Variants in PRKCH observed in about 807,000 individuals in gnomAD.
PRKCH encodes the protein protein kinase C eta.
Under a neutral mutation model 82.5 loss-of-function variants are expected in PRKCH, and 28 were observed. The observed-to-expected ratio is 0.34, with a 90% CI of 0.25 to 0.47. The LOEUF (loss-of-function observed/expected upper bound fraction) is 0.47, where lower values mean the gene tolerates loss of function less well. PRKCH is among the 20% of genes least tolerant of loss of function. PRKCH has a pLI of 1.00. For missense variants in PRKCH, 705 were observed against 881.8 expected, an observed-to-expected ratio of 0.80 and a Z score of 2.54; for synonymous variants, 322 against 327.4, an observed-to-expected ratio of 0.98 and a Z score of 0.18.
intron 1 of PRKCH, among the ~76,000 whole-genome samples, chr14:61,265,892 C>T (rs903233639): frequency 2.0e-5 from 3 of 151,974 alleles, no homozygotes; most frequent in African/African-American, 7.3e-5. Context: ...GTGAGGAGTT[C>T]GAGACCAGTC....
At chr14:61,327,853 CTTTCCATCTTTCTAAAAG>C (rs1295073204) in intron 1 of PRKCH, among the ~76,000 whole-genome samples, 1 of 152,208 alleles carries the variant, frequency 6.6e-6, no homozygotes, top group Non-Finnish European at 1.5e-5. Context: ...TTGGGAGCAT[CTTTCCATCTTTCTAAAAG>C]AAAGAAATGA....
chr14:61,218,916 C>T (rs888598388), intron 1 of PRKCH, among the ~76,000 whole-genome samples: 10 of 152,190 alleles, frequency 6.6e-5, no homozygotes, highest in South Asian at 2.1e-4. Flanking sequence ...ACCTATCCCC[C>T]GACTGCCCTC....
chr14:61,395,289 A>AGC (rs1186743418), intron 2 of PRKCH, among the ~76,000 whole-genome samples: 38 of 37,460 alleles, frequency 1.0e-3, no homozygotes, highest in East Asian at 5.2e-3. Flanking sequence ...AAGGAAATGG[A>AGC]GCCCCCCCCC....
intron 10 of PRKCH, among the ~76,000 whole-genome samples, chr14:61,493,480 T>C (rs1886541746): frequency 6.6e-6 from 1 of 152,216 alleles, no homozygotes; most frequent in African/African-American, 2.4e-5. Flanking sequence ...AACTTGATCA[T>C]ATGGCTGAGT....
rs928730604 is a variant in PRKCH at position 61,216,480 on chromosome 14, C to A, written c.-19+28812C>A. Among the ~76,000 whole-genome samples the A allele has an allele frequency of 8.0e-5, 12 of 150,682 alleles. No individual in the cohort carries two copies. The East Asian group carries it at 1.9e-3, about 24-fold the overall frequency. On this transcript the variant is annotated intron_variant, in intron 1 of 3. Transcript: ENST00000555185. Reference sequence around the variant, plus strand: ...GCAAGACTCTGTCTCAAAAAAAAAACAAAAATTAAAAAAAATTAAAAAACC... The same window carrying A: ...GCAAGACTCTGTCTCAAAAAAAAAAAAAAAATTAAAAAAAATTAAAAAACC...
intron 1 of PRKCH, among the ~76,000 whole-genome samples, chr14:61,200,959 T>C (rs2044476764): frequency 1.3e-5 from 2 of 152,098 alleles, no homozygotes; most frequent in Admixed American, 6.6e-5. Context: ...GTATATTTTT[T>C]CATTCAACAA....
At chr14:61,258,755 A>G (rs1368428277) in intron 1 of PRKCH, among the ~76,000 whole-genome samples, 2 of 152,198 alleles carry the variant, frequency 1.3e-5, no homozygotes, top group Non-Finnish European at 2.9e-5. Flanking sequence ...TTTGCAAAAT[A>G]TTTTGTGGGC....
At chr14:61,301,709 T>G (rs1270939826) in intron 1 of PRKCH, among the ~76,000 whole-genome samples, 12 of 152,164 alleles carry the variant, frequency 7.9e-5, no homozygotes, top group Non-Finnish European at 1.8e-4. Context: ...GGTGTGGTAG[T>G]GTGTGCCTGT....
Position 61,210,150 on chromosome 14 carries a change from AT to A in PRKCH, c.-19+22483del, listed in dbSNP as rs1566781712. ...TATATATATATATATATATATATAT[AT>A]ATATATATATAAATTAGCTTGGCAT... On this transcript the variant is annotated intron_variant, in intron 1 of 3. Coordinates refer to the PRKCH transcript ENST00000555185. Among the ~76,000 whole-genome samples, 719 of 84,622 alleles carry A rather than the reference AT, an allele frequency of 8.5e-3. 22 individuals are homozygous for A. Among genetic ancestry groups the A allele is most frequent in the African/African-American group, 0.03 (633 of 21,104 alleles). 55.5% of individuals were successfully genotyped at this position (84,622 alleles called of 152,430 possible). A position where few individuals can be genotyped will look rare whatever the true frequency, so the allele number is the denominator to read the frequency against.
chr14:61,477,821 A>G (rs1471488575), intron 9 of PRKCH, among the ~76,000 whole-genome samples: 5 of 152,212 alleles, frequency 3.3e-5, no homozygotes, highest in African/African-American at 1.2e-4. Flanking sequence ...CAGCTGGGCT[A>G]GGACTCCTTC....
At chr14:61,293,850 C>T (rs2045384168) in intron 1 of PRKCH, among the ~76,000 whole-genome samples, 2 of 152,108 alleles carry the variant, frequency 1.3e-5, no homozygotes, top group South Asian at 4.1e-4. Flanking sequence ...AAAACTCTGC[C>T]CCAGAATCTG....
At chr14:61,243,007 G>C (rs1363220198) in intron 1 of PRKCH, among the ~76,000 whole-genome samples, 3 of 152,152 alleles carry the variant, frequency 2.0e-5, no homozygotes, top group Non-Finnish European at 4.4e-5. Context: ...ATAATTAATT[G>C]CTTTCTCTAC....
At chr14:61,245,601 G>C (rs1328012469) in intron 1 of PRKCH, among the ~76,000 whole-genome samples, 1 of 152,120 alleles carries the variant, frequency 6.6e-6, no homozygotes, top group Non-Finnish European at 1.5e-5. Flanking sequence ...AAGGGTGAAA[G>C]AGCGCTGATG....
intron 1 of PRKCH, among the ~76,000 whole-genome samples, chr14:61,271,163 T>C (rs1277860529): frequency 2.6e-5 from 4 of 152,170 alleles, no homozygotes; most frequent in Non-Finnish European, 4.4e-5. Flanking sequence ...CCCACAGTAT[T>C]ACTAGTACTT....
At chr14:61,532,780 C>T (rs2043056916) in intron 12 of PRKCH, among the ~76,000 whole-genome samples, 1 of 152,194 alleles carries the variant, frequency 6.6e-6, no homozygotes, top group African/African-American at 2.4e-5. Context: ...AGGAAACAGC[C>T]TCTGGTGCCT....
chr14:61,413,239 G>A (rs1407309882), intron 2 of PRKCH, among the ~76,000 whole-genome samples: 1 of 151,784 alleles, frequency 6.6e-6, no homozygotes, highest in Non-Finnish European at 1.5e-5. Context: ...GCAATCTTTC[G>A]TGTGACCGTG....
intron 1 of PRKCH, among the ~76,000 whole-genome samples, chr14:61,191,978 A>G (rs970630258): frequency 1.3e-5 from 2 of 152,126 alleles, no homozygotes; most frequent in African/African-American, 2.4e-5. Context: ...GGAGATGGAT[A>G]TTCAAAGCAT....
chr14:61,441,060 C>CT (rs891564932), intron 2 of PRKCH, among the ~76,000 whole-genome samples: 1 of 146,320 alleles, frequency 6.8e-6, no homozygotes, highest in African/African-American at 2.5e-5. Flanking sequence ...GCACACTTGG[C>CT]TTTTTTTAAA....
At chr14:61,419,502 A>G (rs1882722987) in intron 2 of PRKCH, among the ~76,000 whole-genome samples, 1 of 152,224 alleles carries the variant, frequency 6.6e-6, no homozygotes, top group Admixed American at 6.5e-5. Context: ...TAGTTGTGAC[A>G]ACAAAAATGT....
Sources: allele counts gnomAD v4.1 joint callset (sites outside exome capture counted in the v4.1 genomes callset), GRCh38; gene constraint gnomAD v4.1.1; transcripts MANE v1.5; gene names NCBI Gene and HGNC (gene_info 2026-07-23, HGNC 2026-07-21).